The following TMTC2 variants were observed in gnomAD, a reference collection of about 807,000 sequenced individuals.
TMTC2 encodes the protein transmembrane O-mannosyltransferase targeting cadherins 2.
TMTC2 carries 43 observed loss-of-function variants against 82.4 expected under a neutral mutation model. The observed-to-expected ratio is 0.52, with a 90% CI of 0.41 to 0.67. The LOEUF (loss-of-function observed/expected upper bound fraction) is 0.67, where lower values mean the gene tolerates loss of function less well. Ranked by LOEUF, TMTC2 falls within the 30% of genes least tolerant of loss-of-function variation. TMTC2 has a pLI of 0.00. For synonymous variants in TMTC2, 408 were observed against 381.9 expected (o/e 1.07, Z -0.80); for missense variants, 919 against 1,012.4 (o/e 0.91, Z 1.25).
intron 1 of TMTC2, among the ~76,000 whole-genome samples, chr12:82,750,316 T>C (rs905134051): frequency 1.3e-5 from 2 of 152,064 alleles, no homozygotes; most frequent in African/African-American, 4.8e-5. Flanking sequence ...CAGCTTTCTA[T>C]AGAAACTAGC....
Position 83,037,965 on chromosome 12 carries a change from A to G in TMTC2, c.2152+7086A>G, listed in dbSNP as rs954317813. On this transcript the variant is annotated intron_variant, in intron 9 of 11. Transcript: ENST00000321196. ...CAAGGAAAATAGAATATAAAGAACA[A>G]GAGATAGGAACAAATGATACAACCG... Among the ~76,000 whole-genome samples, 9 of 152,204 alleles carry G rather than the reference A, an allele frequency of 5.9e-5. No individual in the cohort carries two copies. The East Asian group carries it at 1.7e-3, about 29-fold the overall frequency.
At chr12:82,768,303 G>A (rs7295371) in intron 1 of TMTC2, among the ~76,000 whole-genome samples, 19,644 of 152,172 alleles carry the variant, frequency 0.13, 1,388 homozygotes, top group Middle Eastern at 0.21. Flanking sequence ...TGCTTTGATC[G>A]TAACACCTGG....
At chr12:83,032,672 A>G (rs10862572) in intron 9 of TMTC2, among the ~76,000 whole-genome samples, 135,876 of 152,128 alleles carry the variant, frequency 0.89, 60,696 homozygotes, top group South Asian at 0.96. Context: ...AGCCTCACAA[A>G]TAGCTGGGAT....
At chr12:83,103,690 CTCTGGG>C (rs1186490420) in intron 11 of TMTC2, among the ~76,000 whole-genome samples, 1 of 152,098 alleles carries the variant, frequency 6.6e-6, no homozygotes, top group African/African-American at 2.4e-5. Context: ...AGTATTCTGC[CTCTGGG>C]TCCCCCAAAT....
chr12:82,704,483 G>A (rs1873248257), intron 1 of TMTC2, among the ~76,000 whole-genome samples: 2 of 152,106 alleles, frequency 1.3e-5, no homozygotes, highest in African/African-American at 4.8e-5. Context: ...AATCTTTTGT[G>A]TATGTCTGTA....
chr12:82,724,943 C>A (rs975669669), intron 1 of TMTC2, among the ~76,000 whole-genome samples: 1 of 152,080 alleles, frequency 6.6e-6, no homozygotes, highest in Non-Finnish European at 1.5e-5. Context: ...GGGCATCAGG[C>A]GATCAGGGGA....
intron 1 of TMTC2, among the ~76,000 whole-genome samples, chr12:82,752,147 CTTTTT>C (rs1555182219): frequency 1.5e-5 from 2 of 137,928 alleles, no homozygotes; most frequent in East Asian, 2.1e-4. Flanking sequence ...TTGGAAGCTC[CTTTTT>C]TTTTTTTTTT....
intron 11 of TMTC2, among the ~76,000 whole-genome samples, chr12:83,091,630 T>C (rs1883852259): frequency 6.6e-6 from 1 of 152,234 alleles, no homozygotes; most frequent in Non-Finnish European, 1.5e-5. Context: ...ACTACTGTGG[T>C]AATAACAGGT....
chr12:82,688,925 T>TA (rs1872458860), intron 1 of TMTC2, among the ~76,000 whole-genome samples: 2 of 152,190 alleles, frequency 1.3e-5, no homozygotes, highest in South Asian at 2.1e-4. Flanking sequence ...ACATCTCTGT[T>TA]AAAAAATCAC....
intron 1 of TMTC2, among the ~76,000 whole-genome samples, chr12:82,716,434 A>T (rs1370022330): frequency 7.0e-6 from 1 of 142,100 alleles, no homozygotes. Context: ...CGCGATCTCG[A>T]CTCACTGCAA....
intron 11 of TMTC2, among the ~76,000 whole-genome samples, chr12:83,087,552 A>G (rs534116908): frequency 1.3e-5 from 2 of 152,302 alleles, no homozygotes; most frequent in African/African-American, 4.8e-5. Context: ...AACACTTGAA[A>G]TTTGAAATTG....
At chr12:82,831,476 G>A (rs553792741) in intron 1 of TMTC2, among the ~76,000 whole-genome samples, 43 of 152,114 alleles carry the variant, frequency 2.8e-4, no homozygotes, top group Non-Finnish European at 5.3e-4. Context: ...TATAACATAC[G>A]GCCTGGCAGA....
intron 1 of TMTC2, among the ~76,000 whole-genome samples, chr12:82,800,773 A>C (rs1878956271): frequency 6.6e-6 from 1 of 152,118 alleles, no homozygotes; most frequent in African/African-American, 2.4e-5. Flanking sequence ...TCGATTTTTA[A>C]CTGGTAGAGT....
At chr12:82,699,389 G>T (rs528407485) in intron 1 of TMTC2, among the ~76,000 whole-genome samples, 1 of 152,088 alleles carries the variant, frequency 6.6e-6, no homozygotes, top group African/African-American at 2.4e-5. Context: ...TTCCTTCTGC[G>T]GAGTAAACCG....
intron 7 of TMTC2, 119 bp from the exon 8 acceptor site, chr12:82,985,806 G>A: frequency 7.9e-7 from 1 of 1,265,422 alleles, no homozygotes; most frequent in South Asian, 1.7e-5. Flanking sequence ...ATGAATGAAA[G>A]TACTTCCCAC....
At chr12:83,106,519 A>C (rs1884403928) in intron 11 of TMTC2, among the ~76,000 whole-genome samples, 1 of 151,758 alleles carries the variant, frequency 6.6e-6, no homozygotes, top group Admixed American at 6.6e-5. Flanking sequence ...AAAAAAAAAA[A>C]ATGCACAGTA....
chr12:82,863,589 T>G (rs1871662062), intron 2 of TMTC2, among the ~76,000 whole-genome samples: 1 of 152,208 alleles, frequency 6.6e-6, no homozygotes, highest in African/African-American at 2.4e-5. Context: ...CTGGCTCCCT[T>G]GTTCAGCTGA....
intron 3 of TMTC2, 136 bp downstream of exon 3, chr12:82,896,782 A>AT (rs1565798634): frequency 1.9e-5 from 12 of 642,094 alleles, no homozygotes; most frequent in African/African-American, 3.7e-5. Context: ...CATTCTTTTT[A>AT]TTTTTTTAAA....
intron 11 of TMTC2, among the ~76,000 whole-genome samples, chr12:83,103,067 G>T (rs776272439): frequency 2.0e-5 from 3 of 152,192 alleles, no homozygotes; most frequent in Non-Finnish European, 4.4e-5. Context: ...GGAAGAGGGG[G>T]TTGGCAGCAT....
Sources: allele counts gnomAD v4.1 joint callset (sites outside exome capture counted in the v4.1 genomes callset), GRCh38; gene constraint gnomAD v4.1.1; transcripts MANE v1.5; gene names NCBI Gene and HGNC (gene_info 2026-07-23, HGNC 2026-07-21).